Variants in ERC1 observed in about 807,000 individuals in gnomAD.
ERC1 encodes the protein ELKS/RAB6-interacting/CAST family member 1.
In ERC1, 56 loss-of-function variants were observed where a neutral mutation model predicts 132.0. The ratio of observed to expected loss-of-function variants is 0.42; its 90% CI spans 0.34 to 0.53. The LOEUF (loss-of-function observed/expected upper bound fraction) is 0.53, where lower values mean the gene tolerates loss of function less well. ERC1 is among the 20% of genes least tolerant of loss of function. The probability of loss-of-function intolerance (pLI) is 0.03; values close to 1 mark genes in which losing one functional copy is unlikely to be tolerated. For synonymous variants in ERC1, 478 were observed against 476.1 expected, an observed-to-expected ratio of 1.00 and a Z score of -0.05; for missense variants, 1,202 against 1,349.9, an observed-to-expected ratio of 0.89 and a Z score of 1.72.
chr12:1,482,565 G>T (rs2094114416), intron 18 of ERC1, among the ~76,000 whole-genome samples: 1 of 152,066 alleles, frequency 6.6e-6, no homozygotes, highest in South Asian at 2.1e-4. Context: ...TCCTGCCTCA[G>T]CCTCCTGAGT....
At chr12:1,073,329 A>G (rs889341669) in intron 2 of ERC1, among the ~76,000 whole-genome samples, 2 of 151,996 alleles carry the variant, frequency 1.3e-5, no homozygotes, top group African/African-American at 4.8e-5. Flanking sequence ...TGTTTTTTTC[A>G]GCAATGTGTG....
chr12:1,401,767 G>T (rs867745219), intron 16 of ERC1, among the ~76,000 whole-genome samples: 1 of 132,478 alleles, frequency 7.5e-6, no homozygotes, highest in Non-Finnish European at 1.7e-5. Context: ...AAAAAAAAAA[G>T]AGTATTTTTA....
At chr12:1,309,403 G>C (rs2154349092) in intron 15 of ERC1, among the ~76,000 whole-genome samples, 1 of 152,324 alleles carries the variant, frequency 6.6e-6, no homozygotes, top group Non-Finnish European at 1.5e-5. Flanking sequence ...ATTGTAGATA[G>C]TAAGATTATC....
At chr12:1,052,930 G>A (rs112229716) in intron 2 of ERC1, among the ~76,000 whole-genome samples, 7 of 151,706 alleles carry the variant, frequency 4.6e-5, no homozygotes, top group South Asian at 2.1e-4. Context: ...AGATGGTGCC[G>A]TTGCACTCCA....
intron 2 of ERC1, among the ~76,000 whole-genome samples, chr12:1,055,256 T>C (rs1044558079): frequency 1.3e-5 from 2 of 152,180 alleles, no homozygotes; most frequent in African/African-American, 4.8e-5. Context: ...CTCTGTTCAC[T>C]GCAACCTCTG....
chr12:1,300,419 C>T (rs956077178), intron 15 of ERC1, among the ~76,000 whole-genome samples: 15 of 151,768 alleles, frequency 9.9e-5, no homozygotes, highest in South Asian at 2.1e-4. Context: ...ATGACAAAGA[C>T]GCCAAAAGCT....
intron 1 of ERC1, among the ~76,000 whole-genome samples, chr12:994,966 C>T (rs1194504651): frequency 2.0e-5 from 3 of 151,990 alleles, no homozygotes; most frequent in Non-Finnish European, 4.4e-5. Flanking sequence ...GGTGGTGGCG[C>T]GTGCCTGGAA....
intron 3 of ERC1, among the ~76,000 whole-genome samples, chr12:1,095,558 CAAAT>C (rs1157158234): frequency 6.6e-6 from 1 of 151,640 alleles, no homozygotes; most frequent in Non-Finnish European, 1.5e-5. Flanking sequence ...CAAAAAAAGA[CAAAT>C]AGACTATATA....
At chr12:1,373,748 C>G (rs2087528795) in intron 16 of ERC1, among the ~76,000 whole-genome samples, 1 of 152,238 alleles carries the variant, frequency 6.6e-6, no homozygotes, top group East Asian at 1.9e-4. Flanking sequence ...CCACAGCACT[C>G]TAGCCTGACA....
At chr12:1,128,753 A>G (rs1318269742) in intron 7 of ERC1, among the ~76,000 whole-genome samples, 5 of 152,160 alleles carry the variant, frequency 3.3e-5, no homozygotes, top group Non-Finnish European at 1.5e-5. Context: ...AAACGCGAGG[A>G]AAAAAACAAA....
At chr12:993,346 C>G (rs1380772842) in intron 1 of ERC1, among the ~76,000 whole-genome samples, 3 of 152,162 alleles carry the variant, frequency 2.0e-5, no homozygotes, top group African/African-American at 7.2e-5. Context: ...ATTTGCATGG[C>G]TGGTAGTAAG....
chr12:1,435,888 G>A (rs549186685), intron 17 of ERC1, among the ~76,000 whole-genome samples: 25 of 152,176 alleles, frequency 1.6e-4, no homozygotes, highest in African/African-American at 4.6e-4. Flanking sequence ...CTTGGATTTC[G>A]GGTAATAGCT....
chr12:1,065,598 C>A (rs146961528), intron 2 of ERC1, among the ~76,000 whole-genome samples: 1 of 141,794 alleles, frequency 7.1e-6, no homozygotes, highest in Non-Finnish European at 1.5e-5. Flanking sequence ...TTTTTTGGGG[C>A]GGGGGGGGAC....
chr12:1,066,155 A>G (rs1051078624), intron 2 of ERC1, among the ~76,000 whole-genome samples: 3 of 152,214 alleles, frequency 2.0e-5, no homozygotes, highest in African/African-American at 7.2e-5. Context: ...AAAATGGTTA[A>G]TTTTATGTTA....
intron 2 of ERC1, among the ~76,000 whole-genome samples, chr12:1,065,660 C>T (rs987287538): frequency 2.6e-5 from 4 of 151,788 alleles, no homozygotes; most frequent in African/African-American, 7.3e-5. Context: ...TTGTATTTCC[C>T]TTGCTTTTTT....
At chr12:1,430,998 T>G (rs2092780602) in intron 17 of ERC1, among the ~76,000 whole-genome samples, 1 of 152,196 alleles carries the variant, frequency 6.6e-6, no homozygotes, top group African/African-American at 2.4e-5. Context: ...TTCTAGTCTC[T>G]CTTGGTTGAG....
intron 11 of ERC1, among the ~76,000 whole-genome samples, chr12:1,186,224 T>C (rs1053213758): frequency 2.0e-5 from 3 of 152,222 alleles, no homozygotes; most frequent in East Asian, 3.8e-4. Flanking sequence ...TTTTGTTGCT[T>C]ATTGAATAAG....
intron 18 of ERC1, among the ~76,000 whole-genome samples, chr12:1,473,262 C>T (rs1263004357): frequency 3.9e-5 from 6 of 152,102 alleles, no homozygotes; most frequent in Non-Finnish European, 8.8e-5. Context: ...CTCCTGACCT[C>T]GTGATCCACC....
chr12:1,202,516 T>TTGTGGTGG (rs1555303623), intron 12 of ERC1, among the ~76,000 whole-genome samples: 2 of 151,910 alleles, frequency 1.3e-5, no homozygotes, highest in South Asian at 2.1e-4. Flanking sequence ...TATTAGCCAG[T>TTGTGGTGG]TGTGGTGGTG....
Sources: gnomAD v4.1 joint callset for allele counts (sites outside exome capture counted in the v4.1 genomes callset) on GRCh38, gnomAD v4.1.1 for gene constraint, MANE v1.5 for transcripts, NCBI Gene and HGNC (gene_info 2026-07-23, HGNC 2026-07-21) for gene names.